Variants in KLF12 observed in about 807,000 individuals in gnomAD.
KLF12 encodes KLF transcription factor 12.
KLF12 carries 9 observed loss-of-function variants against 37.8 expected under a neutral mutation model. That is an observed-to-expected ratio of 0.24 (90% CI 0.14 to 0.42). KLF12 has a LOEUF of 0.42. Ranked by LOEUF, KLF12 falls within the 10% of genes least tolerant of loss-of-function variation. The pLI, the probability that KLF12 is intolerant of heterozygous loss-of-function variation, is 1.00. For missense variants in KLF12, 411 were observed against 516.0 expected (o/e 0.80, Z 1.97); for synonymous variants, 208 against 202.1 (o/e 1.03, Z -0.25).
At chr13:73,893,384 T>G (rs1241546122) in intron 3 of KLF12, among the ~76,000 whole-genome samples, 1 of 145,458 alleles carries the variant, frequency 6.9e-6, no homozygotes, top group Admixed American at 6.9e-5. Flanking sequence ...TTTTTTTTTT[T>G]TTTTTTTTTG....
chr13:74,083,788 G>C (rs1593885663), intron 1 of KLF12, among the ~76,000 whole-genome samples: 1 of 152,154 alleles, frequency 6.6e-6, no homozygotes, highest in Non-Finnish European at 1.5e-5. Flanking sequence ...AGGTAATGAA[G>C]TAACTGTGAA....
chr13:73,868,608 C>A (rs1594191917), intron 3 of KLF12, among the ~76,000 whole-genome samples: 1 of 151,938 alleles, frequency 6.6e-6, no homozygotes, highest in East Asian at 2.0e-4. Context: ...CCAGGCTGGT[C>A]TCTCGAACTC....
At chr13:74,172,332 G>C in the KLF12 span, among the ~76,000 whole-genome samples, 1 of 152,034 alleles carries the variant, frequency 6.6e-6, no homozygotes, top group South Asian at 2.1e-4. Flanking sequence ...ACCCTTTATT[G>C]GGAAAGAGGC....
chr13:74,089,316 G>C (rs190989346), intron 1 of KLF12, among the ~76,000 whole-genome samples: 241 of 152,166 alleles, frequency 1.6e-3, no homozygotes, highest in African/African-American at 5.5e-3. Context: ...GTATTACTGT[G>C]TTCTCTTTTT....
chr13:73,858,483 A>G (rs943993325), intron 3 of KLF12, among the ~76,000 whole-genome samples: 2 of 152,200 alleles, frequency 1.3e-5, no homozygotes, highest in South Asian at 2.1e-4. Flanking sequence ...CTGCTGCATT[A>G]CCGGGTGATT....
intron 1 of KLF12, among the ~76,000 whole-genome samples, chr13:74,114,356 T>A (rs1877160243): frequency 6.6e-6 from 1 of 152,184 alleles, no homozygotes. Flanking sequence ...TTCATCACAA[T>A]GCTATTTTGT....
chr13:74,131,166 G>A (rs1324760194), intron 1 of KLF12, among the ~76,000 whole-genome samples: 1 of 152,150 alleles, frequency 6.6e-6, no homozygotes, highest in Admixed American at 6.6e-5. Context: ...AATTATTTCA[G>A]TAAGTTGATA....
chr13:74,037,957 T>G (rs1240980357), intron 1 of KLF12, among the ~76,000 whole-genome samples: 1 of 152,112 alleles, frequency 6.6e-6, no homozygotes, highest in African/African-American at 2.4e-5. Context: ...TACAAAACAG[T>G]AGCACAGGAA....
chr13:74,068,463 T>C (rs1213235680), intron 1 of KLF12, among the ~76,000 whole-genome samples: 1 of 152,108 alleles, frequency 6.6e-6, no homozygotes, highest in Non-Finnish European at 1.5e-5. Flanking sequence ...CTAAACTCCA[T>C]CTAGGGATTC....
rs115317490 is a variant in KLF12, at chr13:74,025,431, A to G, written c.-31-30378T>C. On this transcript the variant is annotated intron_variant, in intron 1 of 7. Transcript: ENST00000377669. The stretch of plus-strand genomic sequence containing the variant: ...AAGTCTCTGTTGCTAATCGACTCAT[A>G]AAGTGTCTGAATATATCTGATGCTC... Among the ~76,000 whole-genome samples the G allele has an allele frequency of 9.9e-3, 1,511 of 152,282 alleles. 21 individuals are homozygous for G. The highest frequency in any genetic ancestry group is 0.057 in the East Asian group (296 of 5,180).
intron 3 of KLF12, among the ~76,000 whole-genome samples, chr13:73,897,288 A>G (rs1347808877): frequency 6.6e-6 from 1 of 152,176 alleles, no homozygotes; most frequent in Non-Finnish European, 1.5e-5. Context: ...CCTTATTTTT[A>G]TTTTGAATGA....
At chr13:74,043,484 T>C (rs1893463294) in intron 1 of KLF12, among the ~76,000 whole-genome samples, 1 of 152,240 alleles carries the variant, frequency 6.6e-6, no homozygotes, top group Non-Finnish European at 1.5e-5. Flanking sequence ...TGTTTCTGTG[T>C]GTGTGTGTAC....
chr13:73,843,124 A>T (rs1045100215), intron 4 of KLF12, among the ~76,000 whole-genome samples: 1 of 152,166 alleles, frequency 6.6e-6, no homozygotes, highest in Non-Finnish European at 1.5e-5. Context: ...GCAGTTCCAT[A>T]CCAATGTCTT....
intron 4 of KLF12, among the ~76,000 whole-genome samples, chr13:73,827,682 C>T (rs933770487): frequency 1.2e-4 from 19 of 152,166 alleles, no homozygotes; most frequent in Non-Finnish European, 2.1e-4. Flanking sequence ...CCTGCCTCAG[C>T]CTCCCAGGGA....
chr13:74,214,322 A>T, the KLF12 span, among the ~76,000 whole-genome samples: 1 of 149,036 alleles, frequency 6.7e-6, no homozygotes, highest in South Asian at 2.1e-4. Context: ...TACTAGTTTC[A>T]CTCTAGAGCT....
intron 2 of KLF12, among the ~76,000 whole-genome samples, chr13:73,946,743 A>G (rs1351640990): frequency 6.6e-6 from 1 of 152,214 alleles, no homozygotes; most frequent in Non-Finnish European, 1.5e-5. Flanking sequence ...AACTCTTTCA[A>G]CTAGTGCAGA....
chr13:73,907,307 C>T (rs1359800512), intron 3 of KLF12, among the ~76,000 whole-genome samples: 1 of 152,136 alleles, frequency 6.6e-6, no homozygotes, highest in Non-Finnish European at 1.5e-5. Context: ...CCCCTTCTTC[C>T]CTCACTGAGC....
At chr13:73,954,736 T>C (rs1306105691) in intron 2 of KLF12, among the ~76,000 whole-genome samples, 1 of 152,218 alleles carries the variant, frequency 6.6e-6, no homozygotes, top group Non-Finnish European at 1.5e-5. Context: ...CTTGACCCAA[T>C]ATATAATCTA....
At chr13:74,301,003 G>GA in the KLF12 span, among the ~76,000 whole-genome samples, 12 of 152,098 alleles carry the variant, frequency 7.9e-5, no homozygotes, top group Non-Finnish European at 1.6e-4. Context: ...ATCTTCATGA[G>GA]AAAATTTCCA....
Sources: gnomAD v4.1 joint callset for allele counts (sites outside exome capture counted in the v4.1 genomes callset) on GRCh38, gnomAD v4.1.1 for gene constraint, MANE v1.5 for transcripts, NCBI Gene and HGNC (gene_info 2026-07-23, HGNC 2026-07-21) for gene names.